SYT10: variants seen among roughly 807,000 people sequenced by gnomAD.
SYT10 encodes synaptotagmin 10, also known as synaptotagmin-10.
In SYT10, 31 loss-of-function variants were observed where a neutral mutation model predicts 51.1. The ratio of observed to expected loss-of-function variants is 0.61; its 90% confidence interval spans 0.46 to 0.82. SYT10 has a LOEUF of 0.82. SYT10 is among the 40% of genes least tolerant of loss of function. SYT10 has a pLI of 0.00. For missense variants in SYT10, 603 were observed against 634.0 expected (o/e 0.95, Z 0.53); for synonymous variants, 233 against 225.9 (o/e 1.03, Z -0.28).
intron 2 of SYT10, among the ~76,000 whole-genome samples, chr12:33,415,261 A>G (rs547424015): frequency 3.9e-5 from 6 of 152,264 alleles, no homozygotes; most frequent in African/African-American, 1.4e-4. Flanking sequence ...TGACTTTCCC[A>G]ATTATCACTT....
At chr12:33,425,371 A>C (rs977953844) in intron 2 of SYT10, among the ~76,000 whole-genome samples, 3 of 152,296 alleles carry the variant, frequency 2.0e-5, no homozygotes, top group Non-Finnish European at 4.4e-5. Context: ...ACTTAGCAGA[A>C]AAAAATGCCT....
chr12:33,389,298 A>G (rs1208943698), intron 3 of SYT10, among the ~76,000 whole-genome samples: 1 of 152,164 alleles, frequency 6.6e-6, no homozygotes, highest in Non-Finnish European at 1.5e-5. Flanking sequence ...GGAGTTAAAA[A>G]TACCAAATCT....
intron 2 of SYT10, among the ~76,000 whole-genome samples, chr12:33,418,601 C>G (rs1866474916): frequency 6.6e-6 from 1 of 152,188 alleles, no homozygotes; most frequent in Non-Finnish European, 1.5e-5. Context: ...TCATCTGTCT[C>G]AACTTGATTT....
intron 3 of SYT10, among the ~76,000 whole-genome samples, chr12:33,394,300 A>G (rs1332082666): frequency 3.3e-5 from 5 of 152,236 alleles, no homozygotes; most frequent in Admixed American, 2.6e-4. Flanking sequence ...ACTTAATGCA[A>G]TATGTATCAT....
chr12:33,385,653 T>A (rs1866151064), intron 3 of SYT10, among the ~76,000 whole-genome samples: 1 of 152,220 alleles, frequency 6.6e-6, no homozygotes, highest in South Asian at 2.1e-4. Flanking sequence ...GTGACTATTA[T>A]TCTTTTATCC....
intron 2 of SYT10, among the ~76,000 whole-genome samples, chr12:33,422,183 A>G (rs1158487516): frequency 6.6e-6 from 1 of 152,124 alleles, no homozygotes; most frequent in African/African-American, 2.4e-5. Context: ...GTGGGGGTAT[A>G]TGGAACCAAA....
intron 3 of SYT10, among the ~76,000 whole-genome samples, chr12:33,395,565 C>A (rs532591851): frequency 1.3e-5 from 2 of 152,240 alleles, no homozygotes; most frequent in Admixed American, 1.3e-4. Flanking sequence ...AGAATAATAA[C>A]CCAAATATGG....
At chr12:33,419,911 A>G (rs150943889) in intron 2 of SYT10, among the ~76,000 whole-genome samples, 1 of 152,324 alleles carries the variant, frequency 6.6e-6, no homozygotes, top group Non-Finnish European at 1.5e-5. Flanking sequence ...TAATAAATCC[A>G]AGAACTTATT....
At chr12:33,413,955 C>T (rs535314307) in intron 2 of SYT10, among the ~76,000 whole-genome samples, 2 of 152,084 alleles carry the variant, frequency 1.3e-5, no homozygotes, top group Non-Finnish European at 2.9e-5. Context: ...CATGCAGAGA[C>T]ACACATAGGC....
chr12:33,439,147 C>A (rs1319639507), intron 1 of SYT10, among the ~76,000 whole-genome samples: 5 of 152,194 alleles, frequency 3.3e-5, no homozygotes, highest in Non-Finnish European at 5.9e-5. Flanking sequence ...GGGAAGCGGA[C>A]CAGAGAATGG....
intron 3 of SYT10, among the ~76,000 whole-genome samples, chr12:33,393,850 A>T (rs1019172180): frequency 6.6e-6 from 1 of 152,186 alleles, no homozygotes; most frequent in Non-Finnish European, 1.5e-5. Context: ...CTCATGTTTC[A>T]TATAGTACGT....
intron 3 of SYT10, among the ~76,000 whole-genome samples, chr12:33,386,318 T>C (rs1277391012): frequency 6.6e-6 from 1 of 152,184 alleles, no homozygotes; most frequent in Non-Finnish European, 1.5e-5. Context: ...CATTAGAACG[T>C]CACACACATA....
chr12:33,401,736 G>C (rs1296652403), intron 3 of SYT10, among the ~76,000 whole-genome samples: 2 of 152,042 alleles, frequency 1.3e-5, no homozygotes, highest in African/African-American at 4.8e-5. Flanking sequence ...GTAATCAATA[G>C]GGTACAACAT....
chr12:33,428,819 T>C (rs1866573213), intron 1 of SYT10, among the ~76,000 whole-genome samples: 2 of 147,306 alleles, frequency 1.4e-5, no homozygotes, highest in South Asian at 4.3e-4. Flanking sequence ...GGCAGGAGAA[T>C]GGCGTGAGCC....
intron 1 of SYT10, among the ~76,000 whole-genome samples, chr12:33,436,382 T>A (rs1328625807): frequency 6.6e-6 from 1 of 152,176 alleles, no homozygotes; most frequent in Admixed American, 6.5e-5. Flanking sequence ...TCAAAATATC[T>A]GATATTCTAA....
At chr12:33,430,333 G>C (rs779762072) in intron 1 of SYT10, among the ~76,000 whole-genome samples, 6 of 152,160 alleles carry the variant, frequency 3.9e-5, no homozygotes, top group African/African-American at 7.2e-5. Context: ...AAAATACAGG[G>C]AACTTCTAAA....
At chr12:33,417,822 CTGAT>C (rs1193509928) in intron 2 of SYT10, among the ~76,000 whole-genome samples, 2 of 152,004 alleles carry the variant, frequency 1.3e-5, no homozygotes, top group Non-Finnish European at 2.9e-5. Context: ...GAGAGTGGCT[CTGAT>C]TGACCATGGA....
chr12:33,382,724 T>A (rs570820081), intron 4 of SYT10, among the ~76,000 whole-genome samples: 7 of 152,240 alleles, frequency 4.6e-5, no homozygotes, highest in Admixed American at 4.6e-4. Context: ...AGTAAGAAGA[T>A]CAAAACTTGT....
At chr12:33,416,651 C>T (rs1866456362) in intron 2 of SYT10, among the ~76,000 whole-genome samples, 1 of 152,178 alleles carries the variant, frequency 6.6e-6, no homozygotes. Flanking sequence ...ACCTCAGTCA[C>T]TATCATGTAA....
Sources: allele counts gnomAD v4.1 joint callset (sites outside exome capture counted in the v4.1 genomes callset), GRCh38; gene constraint gnomAD v4.1.1; transcripts MANE v1.5; gene names NCBI Gene and HGNC (gene_info 2026-07-23, HGNC 2026-07-21).